SWAP70: variants seen among roughly 807,000 people sequenced by gnomAD.
SWAP70 encodes the protein switching B cell complex subunit SWAP70.
Under a neutral mutation model 80.2 loss-of-function variants are expected in SWAP70, and 34 were observed. The ratio of observed to expected loss-of-function variants is 0.42; its 90% CI spans 0.32 to 0.56. SWAP70 has a LOEUF of 0.56. Among genes scored for constraint, SWAP70 ranks in the 20% least tolerant of loss-of-function variants. The pLI, the probability that SWAP70 is intolerant of heterozygous loss-of-function variation, is 0.09. For missense variants in SWAP70, 578 were observed against 690.7 expected (o/e 0.84, Z 1.83); for synonymous variants, 239 against 238.5 (o/e 1.00, Z -0.02).
At chr11:9,685,221 G>A (rs983749660) in intron 1 of SWAP70, among the ~76,000 whole-genome samples, 1 of 151,938 alleles carries the variant, frequency 6.6e-6, no homozygotes, top group African/African-American at 2.4e-5. Flanking sequence ...TTTTAAAGAG[G>A]TATGGGAAAG....
At chr11:9,717,996 T>C (rs1257378484) in intron 3 of SWAP70, among the ~76,000 whole-genome samples, 1 of 152,248 alleles carries the variant, frequency 6.6e-6, no homozygotes, top group Non-Finnish European at 1.5e-5. Flanking sequence ...TCAAAAGATT[T>C]GTGCTGCAGG....
chr11:9,674,655 A>C (rs1477370499), intron 1 of SWAP70, among the ~76,000 whole-genome samples: 1 of 151,900 alleles, frequency 6.6e-6, no homozygotes, highest in African/African-American at 2.4e-5. Flanking sequence ...GTGACAGAGC[A>C]AGACTTTGTC....
intron 8 of SWAP70, among the ~76,000 whole-genome samples, chr11:9,738,570 A>T (rs1173684454): frequency 6.6e-6 from 1 of 152,004 alleles, no homozygotes; most frequent in African/African-American, 2.4e-5. Flanking sequence ...AAGACTCCTA[A>T]GTGGAAATTT....
At chr11:9,717,463 G>T (rs1195995630) in intron 3 of SWAP70, among the ~76,000 whole-genome samples, 5 of 152,042 alleles carry the variant, frequency 3.3e-5, no homozygotes, top group Admixed American at 1.3e-4. Context: ...GTGAAACCCT[G>T]TGTCTACAAA....
At chr11:9,719,146 T>G (rs1292288813) in intron 3 of SWAP70, among the ~76,000 whole-genome samples, 2 of 147,862 alleles carry the variant, frequency 1.4e-5, no homozygotes, top group Non-Finnish European at 3.0e-5. Flanking sequence ...GGCACACACC[T>G]GTAATCCCAG....
At chr11:9,691,650 A>C (rs1394408163) in intron 1 of SWAP70, among the ~76,000 whole-genome samples, 1 of 152,216 alleles carries the variant, frequency 6.6e-6, no homozygotes, top group Non-Finnish European at 1.5e-5. Flanking sequence ...TTATTACTGG[A>C]GAGTGCTGGA....
intron 3 of SWAP70, among the ~76,000 whole-genome samples, chr11:9,722,500 T>G (rs1240172915): frequency 1.3e-5 from 2 of 152,208 alleles, no homozygotes; most frequent in Non-Finnish European, 2.9e-5. Context: ...CTAGGGGTTT[T>G]AATTAAAATA....
chr11:9,724,240 T>A (rs996309817), intron 3 of SWAP70, among the ~76,000 whole-genome samples: 1 of 152,262 alleles, frequency 6.6e-6, no homozygotes, highest in African/African-American at 2.4e-5. Context: ...ATGTGGAAAG[T>A]TTGTAAATTG....
chr11:9,740,522 T>G, intron 9 of SWAP70, 175 bp downstream of exon 9: 1 of 683,384 alleles, frequency 1.5e-6, no homozygotes, highest in African/African-American at 1.8e-5. Context: ...CTGGAGTGTT[T>G]CTTTTCATTC....
intron 6 of SWAP70, 60 bp from the exon 7 acceptor site, chr11:9,732,469 A>T: frequency 6.7e-7 from 1 of 1,492,018 alleles, no homozygotes; most frequent in Non-Finnish European, 9.1e-7. Flanking sequence ...TTTGCATAGT[A>T]GGCTTACAAA....
chr11:9,700,696 G>A (rs573818237), intron 2 of SWAP70, among the ~76,000 whole-genome samples: 2 of 152,100 alleles, frequency 1.3e-5, no homozygotes, highest in Non-Finnish European at 2.9e-5. Flanking sequence ...TACTATTGAA[G>A]GATTATTTGC....
Position 9,694,168 on chromosome 11 carries a change from C to G in SWAP70, c.122C>G (p.Thr41Arg). 2.5e-6 allele frequency: 4 copies of G among 1,608,342 alleles called. No homozygotes were observed. Among genetic ancestry groups the G allele is most frequent in the Non-Finnish European group, 3.4e-6 (4 of 1,177,526 alleles). Residue 41 changes from threonine (T) to arginine (R), a missense_variant, in exon 2 of 12, where the codon ACG becomes AGG. Thr to Arg is a moderately conservative substitution (Grantham distance 71). Coordinates refer to ENST00000318950, the MANE Select transcript of SWAP70 (RefSeq NM_015055.4). ...QLKVLSHNLC[T>R]VLKVPHDPVA... ...CAGGTCCTTTCCCATAACCTGTGCA[C>G]GGTGCTGAAGGTTCCTCATGACCCA...
chr11:9,672,038 A>G (rs1303384801), intron 1 of SWAP70, among the ~76,000 whole-genome samples: 23 of 122,270 alleles, frequency 1.9e-4, no homozygotes, highest in Non-Finnish European at 1.4e-4. Flanking sequence ...TTTTAATAAT[A>G]TATTTTATAT....
At chr11:9,685,599 G>T (rs1320350605) in intron 1 of SWAP70, among the ~76,000 whole-genome samples, 2 of 143,468 alleles carry the variant, frequency 1.4e-5, no homozygotes, top group African/African-American at 4.9e-5. Context: ...CGAGAGTTCC[G>T]CTCTCTTGAC....
At chr11:9,734,683 A>T (rs977606202) in intron 7 of SWAP70, among the ~76,000 whole-genome samples, 19 of 152,314 alleles carry the variant, frequency 1.2e-4, no homozygotes, top group African/African-American at 4.3e-4. Context: ...TCTGTTGTTC[A>T]GGCTGGAGTG....
rs373427327 is a variant in SWAP70 at position 9,715,297 on chromosome 11, A to T, written c.414+1658A>T. On this transcript the variant is annotated intron_variant, in intron 3 of 11. Transcript: ENST00000318950. ...CAGGGCCTAAAAGGGAATTTTTTAA[A>T]AGTATGCTGGATAGCTTACAGAATC... 3.3e-5 allele frequency among the ~76,000 whole-genome samples: 5 copies of T among 152,224 alleles called. No homozygotes were observed. The East Asian group carries it at 9.7e-4, about 29-fold the overall frequency.
Position 9,747,937 on chromosome 11 carries a change from G to A in SWAP70, c.1435G>A (p.Glu479Lys), listed in dbSNP as rs1267896775. Residue 479 changes from glutamate (E) to lysine (K), a missense_variant, in exon 10 of 12, where the codon GAG becomes AAG. Physicochemically the swap from Glu to Lys is moderately conservative, Grantham distance 56. Transcript: ENST00000318950. ...LEQQQAIQTT[E>K]AEKQELENQR... ...GCAGCAGCAGGCCATTCAGACAACC[G>A]AGGCGGAGAAGCAGGAGTTGGAGAA... The A allele has an allele frequency of 3.7e-6, 6 of 1,614,172 alleles. No individual in the cohort carries two copies. Among genetic ancestry groups the A allele is most frequent in the African/African-American group, 1.3e-5 (1 of 75,030 alleles).
rs751114977 is a variant in SWAP70 at position 9,664,298 on chromosome 11, G to GC, written c.99+26dup. The GC allele has an allele frequency of 1.3e-6, 2 of 1,548,180 alleles. No homozygotes were observed. Among genetic ancestry groups the GC allele is most frequent in the South Asian group, 1.2e-5 (1 of 83,566 alleles). On this transcript the variant is annotated intron_variant, in intron 1 of 11. Transcript: ENST00000318950. The stretch of plus-strand genomic sequence containing the variant: ...CTCAAGGTGGGCGCCTCCTGACCCG[G>GC]CCCCCCACCCGACCCTCCCCGGCGC...
Position 9,749,069 on chromosome 11 carries a change from A to G in SWAP70, c.1555-18A>G. 6.3e-7 allele frequency: 1 copy of G among 1,592,500 alleles called. No individual in the cohort carries two copies. Among genetic ancestry groups the G allele is most frequent in the Non-Finnish European group, 8.6e-7 (1 of 1,163,208 alleles). On this transcript the variant is annotated intron_variant, in intron 10 of 11. Transcript: ENST00000318950. ...CTACCCGTGTGTCTGCATAGTCCAAAATCCACTTTTGTTTCAGGAAGTTAA... is the reference window on the plus strand; with the variant it reads ...CTACCCGTGTGTCTGCATAGTCCAAGATCCACTTTTGTTTCAGGAAGTTAA...
Sources: allele counts gnomAD v4.1 joint callset (sites outside exome capture counted in the v4.1 genomes callset), GRCh38; gene constraint gnomAD v4.1.1; transcripts MANE v1.5; gene names NCBI Gene and HGNC (gene_info 2026-07-23, HGNC 2026-07-21).